Variants in TIMELESS observed in about 807,000 individuals in gnomAD.
TIMELESS encodes protein timeless homolog.
In TIMELESS, 124 loss-of-function variants were observed where a neutral mutation model predicts 164.3. That is an observed-to-expected ratio of 0.75 (90% CI 0.65 to 0.88). The LOEUF (loss-of-function observed/expected upper bound fraction) is 0.88, where lower values mean the gene tolerates loss of function less well. Ranked by LOEUF, TIMELESS falls within the 40% of genes least tolerant of loss-of-function variation. The pLI is 0.00. For synonymous variants in TIMELESS, 564 were observed against 563.4 expected (o/e 1.00, Z -0.02); for missense variants, 1,422 against 1,491.4 (o/e 0.95, Z 0.77).
rs1592243532 is a variant in TIMELESS at position 56,420,896 on chromosome 12, G to A, written c.3041-15C>T. On this transcript the variant is annotated splice_polypyrimidine_tract_variant and intron_variant, in intron 24 of 28. Transcript: ENST00000553532. ...GATAGAAAAGCCTAAGGAAATGAGG[G>A]AAACTTACATTTGACCCTACTCCCA... 1.2e-6 allele frequency: 2 copies of A among 1,614,076 alleles called. No individual in the cohort carries two copies. The highest frequency in any genetic ancestry group is 1.7e-6 in the Non-Finnish European group (2 of 1,180,006).
rs759727761 is a variant in TIMELESS, at chr12:56,420,713, G to A, written c.3110-26C>T. ...CTAAGACAGGGTCAATAGTCATATG[G>A]TGAAGATATAAGGGAAGAACTGGTT... On this transcript the variant is annotated intron_variant, in intron 25 of 28. Coordinates refer to ENST00000553532, the MANE Select transcript of TIMELESS (RefSeq NM_003920.5). The A allele has an allele frequency of 3.3e-5, 54 of 1,613,608 alleles. No individual in the cohort carries two copies. In the Middle Eastern group the frequency reaches 6.6e-4, roughly 20 times the overall value.
At position 56,428,981 on chromosome 12, in the gene TIMELESS, G is replaced by T; in HGVS notation, c.1206C>A (p.Thr402=). 1 of 1,614,116 alleles carries T rather than the reference G, an allele frequency of 6.2e-7. No individual in the cohort carries two copies. Among genetic ancestry groups the T allele is most frequent in the Non-Finnish European group, 8.5e-7 (1 of 1,180,028 alleles). ...TGAAGTGGAAGGTACGGACACTGAGGGTCTCAGAAACCAGGCCTGGCCGGA... is the reference window on the plus strand; with the variant it reads ...TGAAGTGGAAGGTACGGACACTGAGTGTCTCAGAAACCAGGCCTGGCCGGA... ...ASFRPGLVSE[T]LSVRTFHFIE... is the part of the protein sequence containing the mutation. The change falls in exon 11 of 29, where the codon ACC becomes ACA. Residue 402 remains threonine, a synonymous_variant. Transcript: ENST00000553532.
chr12:56,438,124 C>A (rs1882129861), intron 1 of TIMELESS, among the ~76,000 whole-genome samples: 1 of 152,116 alleles, frequency 6.6e-6, no homozygotes, highest in Non-Finnish European at 1.5e-5. Flanking sequence ...TCACTGCAAC[C>A]TCTGCCTCCC....
chr12:56,422,971 AT>A lies in TIMELESS; in HGVS notation c.2313del (p.Lys771AsnfsTer33). ...AGTGCAAAAAATTTGCCCAGGATGT[AT>A]TTGGCAAAAGTCACTAGCTCCTGTA... is the stretch of plus-strand genomic sequence containing the variant. ...GAYKELVTFAKYILGKFFALA... is the reference protein window; with the variant it reads ...GAYKELVTFAXYILGKFFALA... On this transcript the variant is annotated frameshift_variant, in exon 19 of 29. Coordinates refer to ENST00000553532, the MANE Select transcript of TIMELESS (RefSeq NM_003920.5). LOFTEE classifies it high-confidence loss of function. The A allele has an allele frequency of 6.2e-7, 1 of 1,613,906 alleles. No homozygotes were observed. The highest frequency in any genetic ancestry group is 2.2e-5 in the East Asian group (1 of 44,870).
At position 56,433,604 on chromosome 12, in the gene TIMELESS, C is replaced by T; in HGVS notation, c.300G>A (p.Leu100=). The change falls in exon 4 of 29, where the codon CTG becomes CTA. Residue 100 remains leucine, a synonymous_variant. Coordinates refer to ENST00000553532, the MANE Select transcript of TIMELESS (RefSeq NM_003920.5). The part of the protein sequence containing the change: ...TQPALLCFGN[L]PKEPSFRHHF... ...GGTGCCGAAAGCTGGGCTCCTTAGG[C>T]AGATTGCCAAAACAGAGCAAGGCTG... The T allele has an allele frequency of 6.2e-7, 1 of 1,614,192 alleles. No homozygotes were observed. Among genetic ancestry groups the T allele is most frequent in the African/African-American group, 1.3e-5 (1 of 75,062 alleles).
In TIMELESS at chr12:56,417,791, G is replaced by A. The variant is rs1456780306; in HGVS notation, c.3557-5C>T. On this transcript the variant is annotated splice_region_variant and splice_polypyrimidine_tract_variant and intron_variant, in intron 28 of 28. Coordinates refer to ENST00000553532, the MANE Select transcript of TIMELESS (RefSeq NM_003920.5). ...CTGGAGCTCCCAACTCTGGTGCTGTGGGAACGATGGGGGTGAGAGAGAGAG... is the reference window on the plus strand; with the variant it reads ...CTGGAGCTCCCAACTCTGGTGCTGTAGGAACGATGGGGGTGAGAGAGAGAG... 1 of 1,614,158 alleles carries A rather than the reference G, an allele frequency of 6.2e-7. No homozygotes were observed. Among genetic ancestry groups the A allele is most frequent in the Admixed American group, 1.7e-5 (1 of 60,020 alleles).
intron 1 of TIMELESS, among the ~76,000 whole-genome samples, chr12:56,435,373 A>G (rs1386153788): frequency 6.6e-6 from 1 of 152,046 alleles, no homozygotes; most frequent in Admixed American, 6.6e-5. Flanking sequence ...AAAAAAAAAA[A>G]AGAGAAACAG....
At chr12:56,445,505 G>A (rs1404477006) in intron 1 of TIMELESS, among the ~76,000 whole-genome samples, 3 of 145,620 alleles carry the variant, frequency 2.1e-5, no homozygotes, top group Non-Finnish European at 3.0e-5. Flanking sequence ...TTGGGAGGCC[G>A]AGGCGGGTGG....
intron 26 of TIMELESS, 147 bp downstream of exon 26, chr12:56,420,422 A>T (rs900164548): frequency 1.5e-6 from 1 of 652,708 alleles, no homozygotes; most frequent in Non-Finnish European, 2.6e-6. Flanking sequence ...CTGCTGCAGG[A>T]ATCTTGGTCA....
intron 1 of TIMELESS, among the ~76,000 whole-genome samples, chr12:56,435,973 A>G (rs907185436): frequency 5.3e-5 from 8 of 151,594 alleles, no homozygotes; most frequent in African/African-American, 1.5e-4. Flanking sequence ...AAAAAAAAAA[A>G]AAAGAAACAG....
chr12:56,432,613 C>T, intron 6 of TIMELESS, 89 bp from the exon 7 acceptor site: 1 of 1,531,116 alleles, frequency 6.5e-7, no homozygotes, highest in Non-Finnish European at 8.8e-7. Flanking sequence ...TTGACCAAGC[C>T]TCCTCTCCCA....
In TIMELESS at chr12:56,423,649, T is replaced by G; in HGVS notation, c.2025A>C (p.Glu675Asp). The change falls in exon 17 of 29, where the codon GAA becomes GAC. Residue 675 changes from glutamate to aspartate, a missense_variant. Physicochemically the swap from Glu to Asp is conservative, Grantham distance 45. Coordinates refer to ENST00000553532, the MANE Select transcript of TIMELESS (RefSeq NM_003920.5). The stretch of plus-strand genomic sequence containing the variant: ...CCTGGACCACTTGCAACTCCTCCTC[T>G]TCCTCCTCCTCCTCCTCTTCTTCTT... ...AEEEEEEEEE[E>D]EEELQVVQVS... 2 of 1,613,680 alleles carry G rather than the reference T, an allele frequency of 1.2e-6. No homozygotes were observed. Among genetic ancestry groups the G allele is most frequent in the Non-Finnish European group, 1.7e-6 (2 of 1,179,914 alleles).
chr12:56,420,657 AGTGGCACCAAT>A lies in TIMELESS; in HGVS notation c.3129_3139del (p.Leu1044HisfsTer5). 1 of 1,614,180 alleles carries A rather than the reference AGTGGCACCAAT, an allele frequency of 6.2e-7. No homozygotes were observed. The highest frequency in any genetic ancestry group is 1.1e-5 in the South Asian group (1 of 91,084). Reference sequence around the variant, plus strand: ...CATGGCTTCCTCATTTTCCTCTGTGAGTGGCACCAATGGAACGGCCTGGGAGCAGCCTAAGA... The same window carrying A: ...CATGGCTTCCTCATTTTCCTCTGTGAGGAACGGCCTGGGAGCAGCCTAAGA... On this transcript the variant is annotated frameshift_variant, in exon 26 of 29. Coordinates refer to ENST00000553532, the MANE Select transcript of TIMELESS (RefSeq NM_003920.5). LOFTEE classifies it high-confidence loss of function.
rs940755203 is a variant in TIMELESS, at chr12:56,433,132, C to T, written c.430-5G>A. ...CTCCTGCCGTTCCTCCCAGCCCTAA[C>T]CAGAAGAGAGTAAGAGGAAGAGACT... On this transcript the variant is annotated splice_polypyrimidine_tract_variant and splice_region_variant and intron_variant, in intron 5 of 28. Transcript: ENST00000553532. 1 of 1,613,824 alleles carries T rather than the reference C, an allele frequency of 6.2e-7. No homozygotes were observed. Among genetic ancestry groups the T allele is most frequent in the Admixed American group, 1.7e-5 (1 of 59,988 alleles).
chr12:56,439,396 T>C (rs1359625623), intron 1 of TIMELESS, among the ~76,000 whole-genome samples: 1 of 151,374 alleles, frequency 6.6e-6, no homozygotes, highest in Non-Finnish European at 1.5e-5. Flanking sequence ...GTTTTCTTTT[T>C]TTTTTTTTTT....
chr12:56,428,475 C>T, intron 12 of TIMELESS, 70 bp from the exon 13 acceptor site: 1 of 1,607,390 alleles, frequency 6.2e-7, no homozygotes, highest in Non-Finnish European at 8.5e-7. Context: ...ATGGATGAAG[C>T]TGGGACTGGG....
chr12:56,436,987 G>A (rs539864095), intron 1 of TIMELESS, among the ~76,000 whole-genome samples: 29 of 151,468 alleles, frequency 1.9e-4, no homozygotes, highest in Admixed American at 1.9e-3. Flanking sequence ...CTGGAGTGTA[G>A]TGGCGTGATC....
rs1225977199 is a variant in TIMELESS, at chr12:56,425,032, G to C, written c.1699C>G (p.Leu567Val). 7 of 1,614,116 alleles carry C rather than the reference G, an allele frequency of 4.3e-6. No individual in the cohort carries two copies. The highest frequency in any genetic ancestry group is 5.1e-6 in the Non-Finnish European group (6 of 1,180,048). Reference protein sequence around the residue: ...EAVWPALAEQLQCCAQNSELS... With the variant: ...EAVWPALAEQVQCCAQNSELS... ...CCACCTACCTGGGCACAGCACTGTA[G>C]CTGCTCAGCCAGGGCTGGCCACACA... The change falls in exon 14 of 29, where the codon CTA becomes GTA. Residue 567 changes from leucine to valine, a missense_variant. Physicochemically the swap from Leu to Val is conservative, Grantham distance 32. Coordinates refer to ENST00000553532, the MANE Select transcript of TIMELESS (RefSeq NM_003920.5).
chr12:56,445,409 C>G, intron 1 of TIMELESS, among the ~76,000 whole-genome samples: 2 of 90,652 alleles, frequency 2.2e-5, no homozygotes, highest in African/African-American at 8.5e-5. Context: ...GAAACAAGAG[C>G]GAAACTCCAC....
Sources: gnomAD v4.1 joint callset for allele counts (sites outside exome capture counted in the v4.1 genomes callset) on GRCh38, gnomAD v4.1.1 for gene constraint, MANE v1.5 for transcripts, NCBI Gene and HGNC (gene_info 2026-07-23, HGNC 2026-07-21) for gene names.